The following POT1 variants were observed in gnomAD, a reference collection of about 807,000 sequenced individuals.
POT1 encodes the protein protection of telomeres 1, also known as protection of telomeres protein 1.
POT1 carries 47 observed loss-of-function variants against 78.5 expected under a neutral mutation model. That is an observed-to-expected ratio of 0.60 (90% CI 0.47 to 0.76). The LOEUF (loss-of-function observed/expected upper bound fraction) is 0.76. Among genes scored for constraint, POT1 ranks in the 30% least tolerant of loss-of-function variants. The pLI, the probability that POT1 is intolerant of heterozygous loss-of-function variation, is 0.00. For missense variants in POT1, 646 were observed against 749.9 expected, an observed-to-expected ratio of 0.86 and a Z score of 1.62; for synonymous variants, 259 against 260.7, an observed-to-expected ratio of 0.99 and a Z score of 0.06.
intron 3 of POT1, among the ~76,000 whole-genome samples, chr7:124,906,735 T>A (rs907709786): frequency 6.6e-6 from 1 of 152,120 alleles, no homozygotes; most frequent in Non-Finnish European, 1.5e-5. Flanking sequence ...TCAACAAATA[T>A]CTGGTAAATT....
intron 6 of POT1, among the ~76,000 whole-genome samples, chr7:124,884,729 G>T (rs948094571): frequency 2.6e-5 from 4 of 152,052 alleles, no homozygotes; most frequent in African/African-American, 9.7e-5. Context: ...CACAAACAAG[G>T]TTCCCTCTAT....
rs1014490541 is a variant in POT1 at position 124,853,304 on chromosome 7, G to A, written c.703-166C>T. The A allele has an allele frequency of 1.1e-4, 61 of 562,114 alleles. 1 individual carries two copies. Among genetic ancestry groups the A allele is most frequent in the African/African-American group, 1.1e-3 (56 of 53,002 alleles). 34.8% of individuals were successfully genotyped at this position (562,114 alleles called of 1,614,324 possible). On this transcript the variant is annotated intron_variant, in intron 9 of 18. Coordinates refer to ENST00000357628, the MANE Select transcript of POT1 (RefSeq NM_015450.3). ...ATACGAGTGTGGTTGAATATCAGCT[G>A]CATGGACACTACATCAAAACTAAAT... is the stretch of plus-strand genomic sequence containing the variant.
chr7:124,873,998 G>C (rs1201946186), intron 6 of POT1, among the ~76,000 whole-genome samples: 1 of 152,124 alleles, frequency 6.6e-6, no homozygotes, highest in Non-Finnish European at 1.5e-5. Context: ...TCAATTAGAA[G>C]TTTACACACA....
intron 18 of POT1, among the ~76,000 whole-genome samples, chr7:124,824,346 A>G (rs963792627): frequency 2.6e-5 from 4 of 151,980 alleles, no homozygotes; most frequent in Non-Finnish European, 5.9e-5. Flanking sequence ...TGGTTGGTAT[A>G]TATTTTAAAA....
chr7:124,877,934 TC>T (rs1796030497), intron 6 of POT1, among the ~76,000 whole-genome samples: 2 of 151,462 alleles, frequency 1.3e-5, no homozygotes, highest in African/African-American at 4.9e-5. Context: ...GGAGCTTCCT[TC>T]TTTTTTCCAC....
rs1260027166 is a variant in POT1 at position 124,871,035 on chromosome 7, C to T, written c.131G>A (p.Cys44Tyr). 1.3e-6 allele frequency: 2 copies of T among 1,579,742 alleles called. No homozygotes were observed. The highest frequency in any genetic ancestry group is 1.7e-6 in the Non-Finnish European group (2 of 1,163,614). ...PPYLSKGTDY[C>Y]SVVTIVDQTN... Reference sequence around the variant, plus strand: ...CTGGTCCACAATAGTTACAACTGAGCAATAATCTGGAAAACACAAAAATAT... The same window carrying T: ...CTGGTCCACAATAGTTACAACTGAGTAATAATCTGGAAAACACAAAAATAT... Residue 44 changes from cysteine to tyrosine, a missense_variant, in exon 7 of 19, where the codon TGC becomes TAC. By Grantham distance (194) the Cys-to-Tyr change is radical. Around this residue, in one of 2 missense-constraint regions of POT1, gnomAD observed 252 missense variants for 341.4 expected, o/e 0.74. Coordinates refer to ENST00000357628, the MANE Select transcript of POT1 (RefSeq NM_015450.3).
chr7:124,873,538 T>A (rs1795920129), intron 6 of POT1, among the ~76,000 whole-genome samples: 1 of 152,190 alleles, frequency 6.6e-6, no homozygotes. Context: ...TGTATTGGCC[T>A]GTAGTTTTTT....
At chr7:124,848,897 A>C (rs1416068876) in intron 11 of POT1, among the ~76,000 whole-genome samples, 1 of 152,156 alleles carries the variant, frequency 6.6e-6, no homozygotes, top group Non-Finnish European at 1.5e-5. Context: ...AGAATGACCA[A>C]ATGAACATCA....
intron 6 of POT1, among the ~76,000 whole-genome samples, chr7:124,889,511 A>G (rs76168068): frequency 2.0e-5 from 3 of 152,072 alleles, no homozygotes; most frequent in Non-Finnish European, 4.4e-5. Context: ...CACATTTTCA[A>G]TGTAAACCAA....
At chr7:124,842,076 G>A (rs1795041234) in intron 13 of POT1, among the ~76,000 whole-genome samples, 1 of 151,932 alleles carries the variant, frequency 6.6e-6, no homozygotes, top group Non-Finnish European at 1.5e-5. Flanking sequence ...ACATGGCGAT[G>A]TACATAGATA....
Position 124,928,850 on chromosome 7 carries a change from G to C in POT1, c.-262C>G, listed in dbSNP as rs1584537932. ...TTCTTGCTATAATTGTAACCTGGCT[G>C]TAGGGATCCGAAATCTACTTTATGT... is the stretch of plus-strand genomic sequence containing the variant. On this transcript the variant is annotated 5_prime_UTR_variant, in exon 2 of 19. Transcript: ENST00000357628. 6.5e-6 allele frequency: 1 copy of C among 152,702 alleles called. No individual in the cohort carries two copies. Among genetic ancestry groups the C allele is most frequent in the East Asian group, 1.9e-4 (1 of 5,176 alleles). The allele number at this position is 152,702 out of a possible 1,614,324, so 9.5% of individuals were successfully genotyped here.
chr7:124,895,118 T>C (rs1323033799), intron 5 of POT1, among the ~76,000 whole-genome samples: 1 of 151,674 alleles, frequency 6.6e-6, no homozygotes, highest in Non-Finnish European at 1.5e-5. Flanking sequence ...TCTTCTATGA[T>C]AATGAAAATA....
intron 7 of POT1, among the ~76,000 whole-genome samples, chr7:124,864,078 A>C (rs1421333543): frequency 1.3e-5 from 2 of 152,176 alleles, no homozygotes; most frequent in African/African-American, 4.8e-5. Flanking sequence ...GCTAGAGTTT[A>C]ATCAGAGTGA....
At chr7:124,918,480 A>G (rs1398652723) in intron 2 of POT1, among the ~76,000 whole-genome samples, 7 of 152,224 alleles carry the variant, frequency 4.6e-5, no homozygotes, top group Admixed American at 4.6e-4. Context: ...AATAAGAAAC[A>G]TAAGAAACAT....
chr7:124,888,422 T>G (rs1796296359), intron 6 of POT1, among the ~76,000 whole-genome samples: 1 of 152,102 alleles, frequency 6.6e-6, no homozygotes, highest in Admixed American at 6.6e-5. Flanking sequence ...TTGATCTTTC[T>G]CAGGATTCTT....
chr7:124,863,549 G>A lies in POT1; in HGVS notation c.347C>T (p.Pro116Leu), dbSNP rs1554426966. The A allele has an allele frequency of 1.2e-6, 2 of 1,613,836 alleles. No individual in the cohort carries two copies. The highest frequency in any genetic ancestry group is 1.7e-6 in the Non-Finnish European group (2 of 1,179,828). The change falls in exon 8 of 19, where the codon CCT becomes CTT. Residue 116 changes from proline (P) to leucine (L), a missense_variant. By Grantham distance (98) the Pro-to-Leu change is moderately conservative. Coordinates refer to ENST00000357628, the MANE Select transcript of POT1 (RefSeq NM_015450.3). ...FEGTLGAPII[P>L]RTSSKYFNFT... ...GTTAAAATACTTGCTTGAAGTGCGA[G>A]GTATGATAGGGGCTCCCAAAGTTCC...
intron 6 of POT1, among the ~76,000 whole-genome samples, chr7:124,883,947 T>C (rs898306772): frequency 1.3e-5 from 2 of 151,946 alleles, no homozygotes; most frequent in South Asian, 2.1e-4. Context: ...TACTCAGTAA[T>C]TAATACATTA....
Position 124,871,060 on chromosome 7 carries a change from T to C in POT1, c.125-19A>G. 6.4e-7 allele frequency: 1 copy of C among 1,553,428 alleles called. No homozygotes were observed. The highest frequency in any genetic ancestry group is 8.7e-7 in the Non-Finnish European group (1 of 1,148,404). ...CAATAATCTGGAAAACACAAAAATA[T>C]TTTACCTGACTTTCAATATTTTAAA... On this transcript the variant is annotated intron_variant, in intron 6 of 18. Coordinates refer to ENST00000357628, the MANE Select transcript of POT1 (RefSeq NM_015450.3).
At chr7:124,887,158 T>C (rs1168492228) in intron 6 of POT1, among the ~76,000 whole-genome samples, 1 of 152,054 alleles carries the variant, frequency 6.6e-6, no homozygotes, top group Non-Finnish European at 1.5e-5. Context: ...GAAAAGTATG[T>C]GAGTTTATGT....
Sources: gnomAD v4.1 joint callset for allele counts (sites outside exome capture counted in the v4.1 genomes callset) on GRCh38, gnomAD v4.1.1 for gene constraint, gnomAD v4.1.1 regional missense constraint, MANE v1.5 for transcripts, NCBI Gene and HGNC (gene_info 2026-07-23, HGNC 2026-07-21) for gene names.